Variants in ANKRD36 observed in about 807,000 individuals in gnomAD.
The protein encoded by ANKRD36 is ankyrin repeat domain 36.
A neutral mutation model predicts 278.1 loss-of-function variants in ANKRD36; 179 were observed. That is an observed-to-expected ratio of 0.64 (90% CI 0.57 to 0.73). ANKRD36 has a LOEUF of 0.73. ANKRD36 is among the 30% of genes least tolerant of loss of function. The pLI is 0.00. For synonymous variants in ANKRD36, 320 were observed against 641.1 expected, an observed-to-expected ratio of 0.50 and a Z score of 7.57; for missense variants, 1,159 against 1,956.7, an observed-to-expected ratio of 0.59 and a Z score of 7.69.
intron 6 of ANKRD36, among the ~76,000 whole-genome samples, chr2:97,137,304 A>C (rs149586711): frequency 1.3e-5 from 2 of 151,662 alleles, no homozygotes; most frequent in East Asian, 3.9e-4. Context: ...GTGCCACCAC[A>C]CTCAGCTACT....
At chr2:97,210,928 G>A (rs1372572598) in intron 56 of ANKRD36, among the ~76,000 whole-genome samples, 1 of 151,850 alleles carries the variant, frequency 6.6e-6, no homozygotes, top group Non-Finnish European at 1.5e-5. Context: ...TAAACTAGTG[G>A]ATACAAGAAA....
rs1312823706 is a variant in ANKRD36 at position 97,243,897 on chromosome 2, C to T, written c.4359C>T (p.His1453=). ...AAAGAAGAAATGTTGAAGAGGTGCA[C>T]CAAAAAGTTAGGGAAAAGTTAAGAA... is the stretch of plus-strand genomic sequence containing the variant. ...KKKRRNVEEV[H]QKVREKLRIT... is the part of the protein sequence containing the mutation. Residue 1453 remains histidine, a synonymous_variant, in exon 70 of 76, where the codon CAC becomes CAT. Transcript: ENST00000420699. 2 of 1,606,890 alleles carry T rather than the reference C, an allele frequency of 1.2e-6. No individual in the cohort carries two copies. The highest frequency in any genetic ancestry group is 1.7e-6 in the Non-Finnish European group (2 of 1,178,620).
chr2:97,183,217 A>G (rs2056667365), intron 26 of ANKRD36, among the ~76,000 whole-genome samples: 2 of 151,716 alleles, frequency 1.3e-5, no homozygotes, highest in South Asian at 2.1e-4. Context: ...TTATTTCAGT[A>G]ATACACACAT....
chr2:97,192,819 G>C, intron 36 of ANKRD36, 39 bp from the exon 37 acceptor site: 1 of 1,584,802 alleles, frequency 6.3e-7, no homozygotes, highest in Non-Finnish European at 8.6e-7. Flanking sequence ...CTTTGTCATA[G>C]TTACATATGA....
rs1411119698 is a variant in ANKRD36, at chr2:97,171,467, C to T, written c.1633+3700C>T. ...ATCGCAAGAACAAAAAACCAAACAC[C>T]GCATATTCTCACTCATAGGTGGGAA... is the stretch of plus-strand genomic sequence containing the variant. On this transcript the variant is annotated intron_variant, in intron 22 of 75. Coordinates refer to ENST00000420699, the MANE Select transcript of ANKRD36 (RefSeq NM_001354587.1). Among the ~76,000 whole-genome samples, 149 of 135,142 alleles carry T rather than the reference C, an allele frequency of 1.1e-3. 1 individual carries two copies. Among genetic ancestry groups the T allele is most frequent in the Non-Finnish European group, 1.6e-3 (104 of 63,840 alleles). 88.7% of individuals were successfully genotyped at this position (135,142 alleles called of 152,430 possible).
At chr2:97,212,754 C>G (rs1184288683) in intron 58 of ANKRD36, 1 of 164,994 alleles carries the variant, frequency 6.1e-6, no homozygotes, top group African/African-American at 2.4e-5. Flanking sequence ...ATATATTATC[C>G]TTTGGTGCCA....
At chr2:97,230,303 T>C (rs2071486106) in intron 67 of ANKRD36, among the ~76,000 whole-genome samples, 1 of 152,070 alleles carries the variant, frequency 6.6e-6, no homozygotes, top group Non-Finnish European at 1.5e-5. Flanking sequence ...GTCTTTTCAC[T>C]TAGTCCCATA....
chr2:97,131,912 T>C (rs2040259320), intron 6 of ANKRD36, among the ~76,000 whole-genome samples: 1 of 151,846 alleles, frequency 6.6e-6, no homozygotes, highest in African/African-American at 2.4e-5. Flanking sequence ...CACTGCAAAC[T>C]CTGCCTCCTG....
chr2:97,137,865 G>A (rs2041937667), intron 6 of ANKRD36, among the ~76,000 whole-genome samples: 1 of 152,112 alleles, frequency 6.6e-6, no homozygotes, highest in African/African-American at 2.4e-5. Context: ...CAGTGATGAT[G>A]AGCTTTTTTT....
At chr2:97,179,015 A>G (rs1007586589) in intron 22 of ANKRD36, among the ~76,000 whole-genome samples, 16 of 151,584 alleles carry the variant, frequency 1.1e-4, no homozygotes, top group African/African-American at 3.9e-4. Context: ...TTTATTTTGT[A>G]TAAGTATGTC....
chr2:97,183,663 G>T lies in ANKRD36; in HGVS notation c.1939+9G>T. ...TGGGAAATCTGGAACAGGTAATTTG[G>T]CAATACACATTTAATGTCATGTGCA... On this transcript the variant is annotated intron_variant, in intron 28 of 75. Coordinates refer to ENST00000420699, the MANE Select transcript of ANKRD36 (RefSeq NM_001354587.1). 1.3e-6 allele frequency: 2 copies of T among 1,567,374 alleles called. No individual in the cohort carries two copies. Among genetic ancestry groups the T allele is most frequent in the Non-Finnish European group, 1.7e-6 (2 of 1,156,240 alleles).
chr2:97,135,755 C>T (rs1433873638), intron 6 of ANKRD36, among the ~76,000 whole-genome samples: 1 of 151,690 alleles, frequency 6.6e-6, no homozygotes, highest in African/African-American at 2.4e-5. Flanking sequence ...ACATCTTGGG[C>T]AGACTGGGAT....
chr2:97,149,769 A>C (rs2045425053), intron 12 of ANKRD36, among the ~76,000 whole-genome samples: 3 of 151,758 alleles, frequency 2.0e-5, no homozygotes, highest in African/African-American at 7.2e-5. Flanking sequence ...ATGACTTATC[A>C]AAGAAATCAT....
chr2:97,219,890 T>C (rs2066935560), intron 66 of ANKRD36, among the ~76,000 whole-genome samples: 1 of 145,888 alleles, frequency 6.9e-6, no homozygotes, highest in African/African-American at 2.6e-5. Flanking sequence ...TCAATTTTGA[T>C]ACTGTAAAAT....
rs2046739153 is a variant in ANKRD36 at position 97,153,812 on chromosome 2, G to A, written c.1194-863G>A. On this transcript the variant is annotated intron_variant, in intron 14 of 75. Transcript: ENST00000420699. ...GAGATTGCCATGGATCCCTGCTGAA[G>A]AGGGATCCAGAAGGGGGAGCCCATA... is the stretch of plus-strand genomic sequence containing the variant. Among the ~76,000 whole-genome samples, 2 of 147,646 alleles carry A rather than the reference G, an allele frequency of 1.4e-5. 1 individual carries two copies. The highest frequency in any genetic ancestry group is 4.2e-4 in the South Asian group (2 of 4,772).
At chr2:97,260,782 C>T (rs2076666148) in intron 75 of ANKRD36, among the ~76,000 whole-genome samples, 1 of 106,734 alleles carries the variant, frequency 9.4e-6, no homozygotes, top group Non-Finnish European at 1.7e-5. Context: ...TTTAGCATAA[C>T]TGCCCTCATC....
At chr2:97,235,310 A>G (rs1489383677) in intron 68 of ANKRD36, among the ~76,000 whole-genome samples, 2 of 150,920 alleles carry the variant, frequency 1.3e-5, no homozygotes, top group Non-Finnish European at 2.9e-5. Flanking sequence ...TTTGTCAGTC[A>G]TAAGCTGGTT....
intron 52 of ANKRD36, among the ~76,000 whole-genome samples, chr2:97,207,110 T>C (rs2063075881): frequency 6.6e-6 from 1 of 151,572 alleles, no homozygotes; most frequent in Non-Finnish European, 1.5e-5. Context: ...AAATTGATAA[T>C]TGATGATATT....
At chr2:97,189,313 A>C in intron 34 of ANKRD36, 23 bp downstream of exon 34, 1 of 640,950 alleles carries the variant, frequency 1.6e-6, no homozygotes, top group Admixed American at 2.6e-5. Context: ...AACACATTCA[A>C]TGTCATGTTC....
Sources: gnomAD v4.1 joint callset for allele counts (sites outside exome capture counted in the v4.1 genomes callset) on GRCh38, gnomAD v4.1.1 for gene constraint, MANE v1.5 for transcripts, NCBI Gene and HGNC (gene_info 2026-07-23, HGNC 2026-07-21) for gene names.